Variants in CAB39 observed in about 807,000 individuals in gnomAD.
CAB39 encodes calcium binding protein 39, also known as calcium-binding protein 39.
In CAB39, 8 loss-of-function variants were observed where a neutral mutation model predicts 40.0. The observed-to-expected ratio is 0.20, with a 90% CI of 0.12 to 0.36. The LOEUF is 0.36. CAB39 is among the 10% of genes least tolerant of loss of function. The pLI, the probability that CAB39 is intolerant of heterozygous loss-of-function variation, is 1.00. For missense variants in CAB39, 270 were observed against 401.1 expected (o/e 0.67, Z 2.79); for synonymous variants, 156 against 141.6 (o/e 1.10, Z -0.72).
In CAB39 at chr2:230,722,858, C is replaced by T. The variant is rs146649979; in HGVS notation, c.-44+9628C>T. 2.3e-3 allele frequency among the ~76,000 whole-genome samples: 351 copies of T among 152,276 alleles called. 2 individuals are homozygous for T. The highest frequency in any genetic ancestry group is 8.0e-3 in the African/African-American group (334 of 41,550). ...GATGTATCATTTGTTGTGATCTCAG[C>T]CCTCTGAAATAGTAAGTTTTAAAAA... On this transcript the variant is annotated intron_variant, in intron 1 of 8. Transcript: ENST00000258418.
intron 2 of CAB39, among the ~76,000 whole-genome samples, chr2:230,780,935 G>C (rs945569640): frequency 1.5e-4 from 23 of 151,882 alleles, no homozygotes; most frequent in African/African-American, 5.6e-4. Context: ...TTTAAAACGT[G>C]GTCAGACATG....
At chr2:230,803,982 T>C (rs1231893882) in intron 5 of CAB39, among the ~76,000 whole-genome samples, 1 of 152,204 alleles carries the variant, frequency 6.6e-6, no homozygotes, top group African/African-American at 2.4e-5. Flanking sequence ...GGCATCACAC[T>C]ACCTGACTTC....
intron 1 of CAB39, among the ~76,000 whole-genome samples, chr2:230,714,590 A>G (rs538570133): frequency 5.3e-5 from 8 of 152,370 alleles, no homozygotes; most frequent in African/African-American, 1.7e-4. Context: ...TTACTAAGCT[A>G]AACCTACATT....
chr2:230,787,387 T>G (rs1202715021), intron 2 of CAB39, among the ~76,000 whole-genome samples: 2 of 152,224 alleles, frequency 1.3e-5, no homozygotes, highest in African/African-American at 4.8e-5. Flanking sequence ...GATTTTCATA[T>G]GTATGTGAGA....
At chr2:230,818,084 G>C in intron 8 of CAB39, 187 bp downstream of exon 8, 1 of 574,394 alleles carries the variant, frequency 1.7e-6, no homozygotes, top group Non-Finnish European at 3.0e-6. Context: ...TTACTGTTTG[G>C]ATCTGGGAAC....
chr2:230,792,203 C>G (rs1695904145), intron 3 of CAB39, among the ~76,000 whole-genome samples: 1 of 152,070 alleles, frequency 6.6e-6, no homozygotes, highest in Non-Finnish European at 1.5e-5. Context: ...TATCAAATTC[C>G]AACAGCAACA....
intron 2 of CAB39, among the ~76,000 whole-genome samples, chr2:230,782,962 A>G (rs983173881): frequency 7.0e-6 from 1 of 142,446 alleles, no homozygotes; most frequent in Non-Finnish European, 1.6e-5. Flanking sequence ...ACAGGCGCTG[A>G]CCACCACGCC....
At chr2:230,816,279 A>G (rs1696398890) in intron 7 of CAB39, among the ~76,000 whole-genome samples, 2 of 152,206 alleles carry the variant, frequency 1.3e-5, no homozygotes, top group Admixed American at 1.3e-4. Flanking sequence ...TCAAAAAATA[A>G]AAAAAGAATT....
chr2:230,780,402 A>G (rs1276385897), intron 2 of CAB39, among the ~76,000 whole-genome samples: 1 of 152,210 alleles, frequency 6.6e-6, no homozygotes, highest in Non-Finnish European at 1.5e-5. Context: ...AAGTTTCATC[A>G]GTTGTCCTAC....
intron 2 of CAB39, among the ~76,000 whole-genome samples, chr2:230,790,617 A>G (rs987358242): frequency 1.3e-5 from 2 of 152,122 alleles, no homozygotes; most frequent in African/African-American, 4.8e-5. Context: ...ATAGATAAAC[A>G]TGGTTTTCAG....
rs531727168 is a variant in CAB39 at position 230,819,149 on chromosome 2, A to C, written c.*445A>C. The stretch of plus-strand genomic sequence containing the variant: ...CAGGTCGCGCACCTTCGCTGAAGGA[A>C]GATGACGCAGAGCTTTATCTGAAAT... On this transcript the variant is annotated 3_prime_UTR_variant, in exon 9 of 9. Transcript: ENST00000258418. 1 of 153,064 alleles carries C rather than the reference A, an allele frequency of 6.5e-6. No homozygotes were observed. Among genetic ancestry groups the C allele is most frequent in the South Asian group, 2.1e-4 (1 of 4,870 alleles). 9.5% of individuals were successfully genotyped at this position (153,064 alleles called of 1,614,324 possible).
chr2:230,733,921 A>G (rs1694739304), intron 1 of CAB39, among the ~76,000 whole-genome samples: 1 of 152,214 alleles, frequency 6.6e-6, no homozygotes. Context: ...GAAAATAGAC[A>G]TACTGTTTTT....
rs756720069 is a variant in CAB39 at position 230,793,329 on chromosome 2, A to G, written c.396A>G (p.Lys132=). ...TQQNILFMLL[K]GYESPEIALN... ...AGAATATTTTGTTCATGTTATTGAAAGGGTATGTACAATGTAATAAAATTT... is the reference window on the plus strand; with the variant it reads ...AGAATATTTTGTTCATGTTATTGAAGGGGTATGTACAATGTAATAAAATTT... Residue 132 remains lysine, a splice_region_variant and synonymous_variant, in exon 4 of 9, where the codon AAA becomes AAG. Transcript: ENST00000258418. 56 of 1,506,150 alleles carry G rather than the reference A, an allele frequency of 3.7e-5. No individual in the cohort carries two copies. The highest frequency in any genetic ancestry group is 4.8e-5 in the Non-Finnish European group (52 of 1,083,518). The allele number at this position is 1,506,150 out of a possible 1,614,324, so 93.3% of individuals were successfully genotyped here. A position where few individuals can be genotyped will look rare whatever the true frequency, so the allele number is the denominator to read the frequency against.
At chr2:230,761,449 C>T (rs919985493) in intron 2 of CAB39, among the ~76,000 whole-genome samples, 3 of 151,704 alleles carry the variant, frequency 2.0e-5, no homozygotes, top group African/African-American at 7.3e-5. Context: ...TAAGGTGGTA[C>T]CTTAGTTCAG....
intron 1 of CAB39, 99 bp from the exon 2 acceptor site, chr2:230,759,860 C>G (rs2124918766): frequency 2.0e-6 from 1 of 507,930 alleles, no homozygotes; most frequent in African/African-American, 1.9e-5. Context: ...TGTAAAATGA[C>G]TTGCCTAAAC....
chr2:230,803,611 A>G (rs558273686), intron 5 of CAB39, among the ~76,000 whole-genome samples: 1 of 152,292 alleles, frequency 6.6e-6, no homozygotes, highest in South Asian at 2.1e-4. Flanking sequence ...ATACACCAAT[A>G]ACAGACAGAG....
At position 230,747,120 on chromosome 2, in the gene CAB39, G is replaced by A. The variant is rs543534444; in HGVS notation, c.-43-12839G>A. On this transcript the variant is annotated intron_variant, in intron 1 of 8. Coordinates refer to ENST00000258418, the MANE Select transcript of CAB39 (RefSeq NM_016289.4). Reference sequence around the variant, plus strand: ...GTAATGCCAGCACTTTGGGGAGGCCGAGGCAGGTGCAGGAGAATCGCTTAA... The same window carrying A: ...GTAATGCCAGCACTTTGGGGAGGCCAAGGCAGGTGCAGGAGAATCGCTTAA... 1.1e-3 allele frequency among the ~76,000 whole-genome samples: 164 copies of A among 152,262 alleles called. 2 individuals carry two copies. The highest frequency in any genetic ancestry group is 2.5e-3 in the East Asian group (13 of 5,186).
chr2:230,766,782 C>G (rs1695393541), intron 2 of CAB39, among the ~76,000 whole-genome samples: 1 of 152,228 alleles, frequency 6.6e-6, no homozygotes, highest in Non-Finnish European at 1.5e-5. Context: ...CCCAGTTGGC[C>G]TCCCAAATTG....
At chr2:230,745,974 G>T (rs947326506) in intron 1 of CAB39, among the ~76,000 whole-genome samples, 2 of 152,122 alleles carry the variant, frequency 1.3e-5, no homozygotes, top group African/African-American at 4.8e-5. Flanking sequence ...GCATTCAGGG[G>T]TATCCTTTTC....
Sources: gnomAD v4.1 joint callset for allele counts (sites outside exome capture counted in the v4.1 genomes callset) on GRCh38, gnomAD v4.1.1 for gene constraint, MANE v1.5 for transcripts, NCBI Gene and HGNC (gene_info 2026-07-23, HGNC 2026-07-21) for gene names.